HIVEP3: variants seen among roughly 807,000 people sequenced by gnomAD.
HIVEP3 encodes the protein HIVEP zinc finger 3.
Under a neutral mutation model 152.8 loss-of-function variants are expected in HIVEP3, and 49 were observed. The ratio of observed to expected loss-of-function variants is 0.32; its 90% CI spans 0.26 to 0.41. The LOEUF (loss-of-function observed/expected upper bound fraction) is 0.41. HIVEP3 is among the 10% of genes least tolerant of loss of function. The pLI, the probability that HIVEP3 is intolerant of heterozygous loss-of-function variation, is 1.00. For missense variants in HIVEP3, 2,790 were observed against 3,103.3 expected (o/e 0.90, Z 2.40); for synonymous variants, 1,269 against 1,289.0 (o/e 0.98, Z 0.33).
intron 2 of HIVEP3, among the ~76,000 whole-genome samples, chr1:41,675,092 G>A (rs1229511634): frequency 6.6e-6 from 1 of 152,084 alleles, no homozygotes; most frequent in Non-Finnish European, 1.5e-5. Flanking sequence ...TACCCCAAAT[G>A]TCCTTGACTC....
chr1:41,649,013 T>C (rs1645504768), intron 2 of HIVEP3, among the ~76,000 whole-genome samples: 1 of 151,702 alleles, frequency 6.6e-6, no homozygotes, highest in Non-Finnish European at 1.5e-5. Flanking sequence ...CTGTGTGGAT[T>C]TATTCGAGAA....
chr1:41,550,805 A>G (rs1643886298), intron 5 of HIVEP3, among the ~76,000 whole-genome samples: 1 of 152,208 alleles, frequency 6.6e-6, no homozygotes, highest in South Asian at 2.1e-4. Context: ...TAAATATACA[A>G]CCATGTCATC....
intron 1 of HIVEP3, among the ~76,000 whole-genome samples, chr1:41,818,438 C>A (rs969405863): frequency 6.6e-6 from 1 of 152,106 alleles, no homozygotes; most frequent in Middle Eastern, 3.2e-3. Flanking sequence ...AAGCTCACTC[C>A]CAGATGTAAA....
At chr1:41,619,565 G>A (rs1022585914) in intron 3 of HIVEP3, among the ~76,000 whole-genome samples, 1 of 152,210 alleles carries the variant, frequency 6.6e-6, no homozygotes, top group Non-Finnish European at 1.5e-5. Flanking sequence ...TTATGTCTAA[G>A]TAGGGCCGAA....
chr1:41,520,793 T>G (rs1328331194), intron 6 of HIVEP3, among the ~76,000 whole-genome samples: 3 of 152,160 alleles, frequency 2.0e-5, no homozygotes, highest in Non-Finnish European at 4.4e-5. Flanking sequence ...AGCTTCAAAG[T>G]CCATGTAATT....
intron 1 of HIVEP3, among the ~76,000 whole-genome samples, chr1:41,853,744 A>G (rs1643671720): frequency 6.6e-6 from 1 of 152,128 alleles, no homozygotes; most frequent in Non-Finnish European, 1.5e-5. Context: ...TGAAGAGGGT[A>G]CCCAGAAACT....
intron 1 of HIVEP3, among the ~76,000 whole-genome samples, chr1:41,766,332 T>G (rs958574616): frequency 6.6e-6 from 1 of 152,184 alleles, no homozygotes; most frequent in African/African-American, 2.4e-5. Context: ...TTGTTAACTA[T>G]CATACAAGGC....
chr1:41,636,651 A>C (rs1645278306), intron 2 of HIVEP3, among the ~76,000 whole-genome samples: 2 of 152,254 alleles, frequency 1.3e-5, no homozygotes, highest in African/African-American at 4.8e-5. Context: ...GAAAATGAAC[A>C]GATCATTGCT....
rs376127207 is a variant in HIVEP3, at chr1:41,671,222, C to T, written c.-721+29694G>A. Among the ~76,000 whole-genome samples the T allele has an allele frequency of 9.8e-5, 15 of 152,356 alleles. No individual in the cohort carries two copies. In the East Asian group the frequency reaches 2.5e-3, roughly 26 times the overall value. Reference sequence around the variant, plus strand: ...ACGCTGGGCCCCCAGCTGGCTATCACCATCACTGCCCAGCCTCGACAGGGA... The same window carrying T: ...ACGCTGGGCCCCCAGCTGGCTATCATCATCACTGCCCAGCCTCGACAGGGA... On this transcript the variant is annotated intron_variant, in intron 2 of 8. Coordinates refer to ENST00000372583, the MANE Select transcript of HIVEP3 (RefSeq NM_024503.5).
chr1:41,591,288 C>T (rs1644583725), intron 3 of HIVEP3, among the ~76,000 whole-genome samples: 1 of 151,982 alleles, frequency 6.6e-6, no homozygotes, highest in Non-Finnish European at 1.5e-5. Context: ...CAAAGCAGGG[C>T]CCCCACAGAA....
intron 1 of HIVEP3, among the ~76,000 whole-genome samples, chr1:41,826,410 T>G (rs1642805507): frequency 6.6e-6 from 1 of 152,074 alleles, no homozygotes; most frequent in Non-Finnish European, 1.5e-5. Flanking sequence ...CCTGGGTGTT[T>G]TGTTTGTTTG....
At chr1:41,678,297 G>A (rs1056753078) in intron 2 of HIVEP3, among the ~76,000 whole-genome samples, 1 of 152,156 alleles carries the variant, frequency 6.6e-6, no homozygotes, top group Non-Finnish European at 1.5e-5. Flanking sequence ...GAGCCTGATT[G>A]CGACAATGCA....
chr1:41,998,194 A>C (rs1035611153), intron 1 of HIVEP3, among the ~76,000 whole-genome samples: 2 of 152,238 alleles, frequency 1.3e-5, no homozygotes, highest in Non-Finnish European at 2.9e-5. Flanking sequence ...AGGAAAGCCA[A>C]TATACTATAA....
intron 4 of HIVEP3, among the ~76,000 whole-genome samples, chr1:41,576,283 C>T (rs1280200784): frequency 6.6e-6 from 1 of 152,202 alleles, no homozygotes; most frequent in Admixed American, 6.5e-5. Flanking sequence ...GCAGGACGTC[C>T]CCAATTCCAC....
chr1:41,740,442 C>G (rs1042956646), intron 1 of HIVEP3, among the ~76,000 whole-genome samples: 1 of 152,228 alleles, frequency 6.6e-6, no homozygotes, highest in African/African-American at 2.4e-5. Flanking sequence ...GGAACAGACA[C>G]TGGGAAGCCC....
chr1:42,002,144 A>G (rs1645431770), intron 1 of HIVEP3, among the ~76,000 whole-genome samples: 1 of 152,184 alleles, frequency 6.6e-6, no homozygotes, highest in Admixed American at 6.5e-5. Flanking sequence ...CAGACACACA[A>G]TGTGACAATT....
At chr1:41,652,150 C>G (rs1412726929) in intron 2 of HIVEP3, among the ~76,000 whole-genome samples, 1 of 152,162 alleles carries the variant, frequency 6.6e-6, no homozygotes, top group Non-Finnish European at 1.5e-5. Flanking sequence ...TGAGGTAACA[C>G]AGGTCAGATA....
At chr1:41,863,902 A>G (rs1484110147) in intron 1 of HIVEP3, among the ~76,000 whole-genome samples, 1 of 152,244 alleles carries the variant, frequency 6.6e-6, no homozygotes, top group Non-Finnish European at 1.5e-5. Flanking sequence ...ATGAGCAAAT[A>G]CATCCAGATT....
chr1:41,644,693 C>CTTTTTTTTTTTTTTTTTTTTTTTT (rs60511656), intron 2 of HIVEP3, among the ~76,000 whole-genome samples: 1 of 74,736 alleles, frequency 1.3e-5, no homozygotes, highest in Non-Finnish European at 2.4e-5. Flanking sequence ...CATATCTGTT[C>CTTTTTTTTTTTTTTTTTTTTTTTT]TTTTTTTTTT....
Sources: gnomAD v4.1 joint callset for allele counts (sites outside exome capture counted in the v4.1 genomes callset) on GRCh38, gnomAD v4.1.1 for gene constraint, MANE v1.5 for transcripts, NCBI Gene and HGNC (gene_info 2026-07-23, HGNC 2026-07-21) for gene names.